CACNA2D4: variants seen among roughly 807,000 people sequenced by gnomAD.
The protein encoded by CACNA2D4 is voltage-dependent calcium channel subunit alpha-2/delta-4.
A neutral mutation model predicts 163.8 loss-of-function variants in CACNA2D4; 157 were observed. The observed-to-expected ratio is 0.96, with a 90% CI of 0.84 to 1.09. CACNA2D4 has a LOEUF of 1.09. Among genes scored for constraint, CACNA2D4 ranks in the 50% least tolerant of loss-of-function variants. The pLI is 0.00. For synonymous variants in CACNA2D4, 598 were observed against 586.9 expected (o/e 1.02, Z -0.27); for missense variants, 1,410 against 1,479.9 (o/e 0.95, Z 0.78).
intron 23 of CACNA2D4, among the ~76,000 whole-genome samples, chr12:1,852,695 A>C (rs1865310844): frequency 6.6e-6 from 1 of 152,140 alleles, no homozygotes; most frequent in Admixed American, 6.5e-5. Flanking sequence ...AAAAATCATC[A>C]CTGACTAATC....
At chr12:1,853,883 G>T in intron 23 of CACNA2D4, 68 bp downstream of exon 23, 2 of 1,244,934 alleles carry the variant, frequency 1.6e-6, no homozygotes, top group Non-Finnish European at 1.2e-6. Flanking sequence ...TGGTGAGAGG[G>T]GTCCCAACTT....
chr12:1,795,187 C>G (rs1044149165), intron 37 of CACNA2D4, 112 bp downstream of exon 37: 11 of 861,528 alleles, frequency 1.3e-5, no homozygotes, highest in Non-Finnish European at 1.7e-5. Flanking sequence ...AGCACAGGCA[C>G]AGGTGTGTTC....
chr12:1,832,040 T>G (rs1431849389), intron 26 of CACNA2D4, among the ~76,000 whole-genome samples: 1 of 152,224 alleles, frequency 6.6e-6, no homozygotes, highest in African/African-American at 2.4e-5. Context: ...AGTGCCAACT[T>G]CCTCTCCCAA....
At chr12:1,793,949 A>AG (rs1468963861) in intron 37 of CACNA2D4, among the ~76,000 whole-genome samples, 190 bp from the exon 38 acceptor site, 1 of 152,046 alleles carries the variant, frequency 6.6e-6, no homozygotes, top group Non-Finnish European at 1.5e-5. Context: ...TCAGCCTGGG[A>AG]GGGGGGCACC....
At chr12:1,884,351 A>C in intron 11 of CACNA2D4, 30 bp from the exon 12 acceptor site, 1 of 1,577,858 alleles carries the variant, frequency 6.3e-7, no homozygotes. Context: ...GGCACTCAGC[A>C]GCAAAATTCC....
intron 6 of CACNA2D4, among the ~76,000 whole-genome samples, chr12:1,902,331 T>G (rs914938858): frequency 3.3e-5 from 5 of 151,994 alleles, no homozygotes. Context: ...TTCACCACTT[T>G]CATTATTCAA....
At chr12:1,819,195 C>T (rs1388442530) in intron 26 of CACNA2D4, among the ~76,000 whole-genome samples, 2 of 151,998 alleles carry the variant, frequency 1.3e-5, no homozygotes, top group Non-Finnish European at 2.9e-5. Flanking sequence ...GCATTTCAGG[C>T]CCAGGGAAGA....
chr12:1,914,690 TG>T (rs1031223333), intron 2 of CACNA2D4, among the ~76,000 whole-genome samples, 163 bp downstream of exon 2: 2 of 152,198 alleles, frequency 1.3e-5, no homozygotes, highest in Non-Finnish European at 2.9e-5. Flanking sequence ...TGCCCTGCTT[TG>T]GGAGTTGAGA....
chr12:1,882,660 T>C (rs1342732244), intron 13 of CACNA2D4, among the ~76,000 whole-genome samples: 1 of 152,120 alleles, frequency 6.6e-6, no homozygotes, highest in Non-Finnish European at 1.5e-5. Context: ...TAAGGCAGCA[T>C]ATGAGCAGTG....
Position 1,865,795 on chromosome 12 carries a change from C to T in CACNA2D4, c.1879-5589G>A, listed in dbSNP as rs935194603. On this transcript the variant is annotated intron_variant, in intron 18 of 37. Coordinates refer to ENST00000382722, the MANE Select transcript of CACNA2D4 (RefSeq NM_172364.5). ...CGCTGGCCTGAAGGACGGTGGCGTT[C>T]CTGGACCAAAAATATTCCATTTTCT... is the stretch of plus-strand genomic sequence containing the variant. Among the ~76,000 whole-genome samples the T allele has an allele frequency of 3.9e-5, 6 of 152,196 alleles. No individual in the cohort carries two copies. In the South Asian group the frequency reaches 6.2e-4, roughly 16 times the overall value.
intron 6 of CACNA2D4, among the ~76,000 whole-genome samples, chr12:1,905,550 T>C (rs1311054815): frequency 6.6e-6 from 1 of 152,142 alleles, no homozygotes; most frequent in Non-Finnish European, 1.5e-5. Context: ...TGCATTTCTA[T>C]ACATTAACAG....
At chr12:1,873,263 G>A (rs553010355) in intron 18 of CACNA2D4, among the ~76,000 whole-genome samples, 2 of 152,284 alleles carry the variant, frequency 1.3e-5, no homozygotes, top group Admixed American at 1.3e-4. Context: ...CTCATTGAAC[G>A]TTCTTTATGT....
chr12:1,825,665 GGT>G (rs1048763177), intron 26 of CACNA2D4, among the ~76,000 whole-genome samples: 1 of 152,204 alleles, frequency 6.6e-6, no homozygotes, highest in African/African-American at 2.4e-5. Context: ...GCTCTCTGTG[GGT>G]GTGTGTTTGC....
chr12:1,883,377 A>T lies in CACNA2D4; in HGVS notation c.1352-377T>A, dbSNP rs894742613. Among the ~76,000 whole-genome samples the T allele has an allele frequency of 6.6e-6, 1 of 152,098 alleles. No homozygotes were observed. The highest frequency in any genetic ancestry group is 1.5e-5 in the Non-Finnish European group (1 of 68,018). ...CTGTAAGCTTTCTTCTGCCACTCTTAGGTCTCTTCAGGGAACCCAATCAGA... is the reference window on the plus strand; with the variant it reads ...CTGTAAGCTTTCTTCTGCCACTCTTTGGTCTCTTCAGGGAACCCAATCAGA... On this transcript the variant is annotated intron_variant, in intron 12 of 37. Coordinates refer to ENST00000382722, the MANE Select transcript of CACNA2D4 (RefSeq NM_172364.5). The surrounding 1 kb of genome is among the most constrained non-coding windows in gnomAD (Gnocchi z 4.5).
intron 29 of CACNA2D4, among the ~76,000 whole-genome samples, chr12:1,805,781 G>A (rs900158745): frequency 2.6e-5 from 4 of 152,272 alleles, no homozygotes; most frequent in Non-Finnish European, 5.9e-5. Flanking sequence ...ACCGCTGCCA[G>A]GGCATGTGGT....
At chr12:1,896,638 C>A (rs866050880) in intron 6 of CACNA2D4, among the ~76,000 whole-genome samples, 6 of 112,888 alleles carry the variant, frequency 5.3e-5, no homozygotes, top group African/African-American at 1.6e-4. Flanking sequence ...CACACACACA[C>A]ACACACACAC....
chr12:1,834,391 G>T lies in CACNA2D4; in HGVS notation c.2551+6348C>A. On this transcript the variant is annotated intron_variant, in intron 26 of 37. Coordinates refer to ENST00000382722, the MANE Select transcript of CACNA2D4 (RefSeq NM_172364.5). The surrounding 1 kb of genome is among the most constrained non-coding windows in gnomAD (Gnocchi z 7.6). ...TGGAGGACGAGAATAGCTCAGCTGGGCTGGATATTCCTGGGCCACCCTGCA... is the reference window on the plus strand; with the variant it reads ...TGGAGGACGAGAATAGCTCAGCTGGTCTGGATATTCCTGGGCCACCCTGCA... 1 of 1,613,148 alleles carries T rather than the reference G, an allele frequency of 6.2e-7. No homozygotes were observed. The highest frequency in any genetic ancestry group is 1.1e-5 in the South Asian group (1 of 91,080).
At chr12:1,861,695 G>A (rs1468295026) in intron 18 of CACNA2D4, among the ~76,000 whole-genome samples, 5 of 151,996 alleles carry the variant, frequency 3.3e-5, no homozygotes, top group Admixed American at 6.5e-5. Flanking sequence ...CACCTGCCTC[G>A]GCCTCCCAAA....
intron 6 of CACNA2D4, among the ~76,000 whole-genome samples, chr12:1,890,567 C>T (rs761651070): frequency 1.2e-4 from 19 of 152,206 alleles, no homozygotes; most frequent in South Asian, 4.1e-4. Flanking sequence ...ATTCGCCAGC[C>T]GCCTGCATCT....
Sources: allele counts gnomAD v4.1 joint callset (sites outside exome capture counted in the v4.1 genomes callset), GRCh38; gene constraint gnomAD v4.1.1; non-coding constraint Gnocchi (gnomAD v3.1); transcripts MANE v1.5; gene names NCBI Gene and HGNC (gene_info 2026-07-23, HGNC 2026-07-21).